Variants in TMED8 observed in about 807,000 individuals in gnomAD.
TMED8 encodes the protein transmembrane p24 trafficking protein family member 8.
In TMED8, 15 loss-of-function variants were observed where a neutral mutation model predicts 32.7. The ratio of observed to expected loss-of-function variants is 0.46; its 90% CI spans 0.31 to 0.71. The LOEUF (loss-of-function observed/expected upper bound fraction) is 0.71. Among genes scored for constraint, TMED8 ranks in the 30% least tolerant of loss-of-function variants. The pLI is 0.06. For missense variants in TMED8, 390 were observed against 423.9 expected (o/e 0.92, Z 0.70); for synonymous variants, 147 against 161.4 (o/e 0.91, Z 0.68).
intron 1 of TMED8, among the ~76,000 whole-genome samples, chr14:77,366,137 C>T (rs1031863516): frequency 2.3e-4 from 35 of 152,270 alleles, no homozygotes; most frequent in African/African-American, 8.2e-4. Flanking sequence ...CTAGGTATGT[C>T]CATTTCTAGT....
At chr14:77,355,845 T>C (rs1313649655) in intron 1 of TMED8, among the ~76,000 whole-genome samples, 2 of 152,254 alleles carry the variant, frequency 1.3e-5, no homozygotes, top group African/African-American at 4.8e-5. Context: ...GTCAGTCCGA[T>C]TCTCTTCCGT....
At chr14:77,342,492 G>T (rs561363465) in intron 5 of TMED8, among the ~76,000 whole-genome samples, 1 of 152,264 alleles carries the variant, frequency 6.6e-6, no homozygotes, top group East Asian at 1.9e-4. Flanking sequence ...ATACCTGTAG[G>T]TTTCCCTGCC....
At position 77,372,906 on chromosome 14, in the gene TMED8, T is replaced by TTTA. The variant is rs1227686477; in HGVS notation, c.118+4029_118+4030insTAA. ...ATGCACATTGAAATAGCCACAGATA[T>TTTA]TATATATATATATATATATATATAT... On this transcript the variant is annotated intron_variant, in intron 1 of 5. Transcript: ENST00000216468. Among the ~76,000 whole-genome samples the TTTA allele has an allele frequency of 7.4e-4, 26 of 35,342 alleles. 2 individuals carry two copies. The highest frequency in any genetic ancestry group is 3.3e-3 in the South Asian group (2 of 614). The allele number at this position is 35,342 out of a possible 152,430, so 23.2% of individuals were successfully genotyped here.
rs1892891361 is a variant in TMED8, at chr14:77,341,296, C to T, written c.*475G>A. The T allele has an allele frequency of 5.7e-6, 1 of 174,956 alleles. No homozygotes were observed. Among genetic ancestry groups the T allele is most frequent in the South Asian group, 1.3e-4 (1 of 7,786 alleles). The allele number at this position is 174,956 out of a possible 1,614,324, so 10.8% of individuals were successfully genotyped here. On this transcript the variant is annotated 3_prime_UTR_variant, in exon 6 of 6. Transcript: ENST00000216468. ...GGCAGTGGTGACAGGCTGGATAGAGCTTTCTCCAACCAAAAGATGGGGCTC... is the reference window on the plus strand; with the variant it reads ...GGCAGTGGTGACAGGCTGGATAGAGTTTTCTCCAACCAAAAGATGGGGCTC...
At chr14:77,346,926 C>CT (rs560129487) in intron 2 of TMED8, among the ~76,000 whole-genome samples, 6 of 152,100 alleles carry the variant, frequency 3.9e-5, no homozygotes, top group African/African-American at 1.4e-4. Flanking sequence ...TCACATACTC[C>CT]TTTTTGTGGT....
In TMED8 at chr14:77,343,230, A is replaced by C; in HGVS notation, c.708T>G (p.Ser236Arg). The C allele has an allele frequency of 1.9e-6, 3 of 1,614,114 alleles. No individual in the cohort carries two copies. In the East Asian group the frequency reaches 6.7e-5, roughly 36 times the overall value. Reference sequence around the variant, plus strand: ...CTTCATCCTCATCGTCACTGGAATCACTGACCTGCACAGTTATGTCAGTGC... The same window carrying C: ...CTTCATCCTCATCGTCACTGGAATCCCTGACCTGCACAGTTATGTCAGTGC... ...VTSTDITVQV[S>R]DSSDDEDEEE... Residue 236 changes from serine to arginine, a missense_variant, in exon 5 of 6, where the codon AGT (serine) becomes AGG (arginine). Coordinates refer to ENST00000216468, the MANE Select transcript of TMED8 (RefSeq NM_213601.3).
Position 77,343,111 on chromosome 14 carries a change from C to T in TMED8, c.760+67G>A, listed in dbSNP as rs1009655862. ...AAAGGAAGAGGAGGACTGGTACAACCCACAAAATGGTCACCAGAAATCAGA... is the reference window on the plus strand; with the variant it reads ...AAAGGAAGAGGAGGACTGGTACAACTCACAAAATGGTCACCAGAAATCAGA... On this transcript the variant is annotated intron_variant, in intron 5 of 5. Transcript: ENST00000216468. The T allele has an allele frequency of 1.5e-5, 23 of 1,519,084 alleles. 1 individual carries two copies. In the Middle Eastern group the frequency reaches 1.6e-3, roughly 104 times the overall value. 94.1% of individuals were successfully genotyped at this position (1,519,084 alleles called of 1,614,324 possible).
intron 1 of TMED8, chr14:77,359,524 C>T (rs1435168882): frequency 5.4e-6 from 2 of 368,278 alleles, no homozygotes; most frequent in South Asian, 2.1e-5. Flanking sequence ...GACCTGAAGA[C>T]ATTTACTGGG....
Position 77,377,090 on chromosome 14 carries a change from C to G in TMED8, c.-37G>C, listed in dbSNP as rs900445130. 2.1e-5 allele frequency: 27 copies of G among 1,282,218 alleles called. No homozygotes were observed. Among genetic ancestry groups the G allele is most frequent in the Non-Finnish European group, 2.7e-5 (27 of 993,162 alleles). The allele number at this position is 1,282,218 out of a possible 1,614,324, so 79.4% of individuals were successfully genotyped here. ...GCACGGAGCTCTCCGCTGCCAGCCG[C>G]GAGTGGCTCCGGAAACAGCCGAAGG... On this transcript the variant is annotated 5_prime_UTR_variant, in exon 1 of 6. Coordinates refer to ENST00000216468, the MANE Select transcript of TMED8 (RefSeq NM_213601.3).
At chr14:77,358,668 G>A (rs564151288) in intron 1 of TMED8, among the ~76,000 whole-genome samples, 3 of 152,146 alleles carry the variant, frequency 2.0e-5, no homozygotes, top group African/African-American at 7.2e-5. Flanking sequence ...GAAAATCCTG[G>A]ATCTTAATAA....
chr14:77,369,355 G>A (rs1028265929), intron 1 of TMED8, among the ~76,000 whole-genome samples: 1 of 152,230 alleles, frequency 6.6e-6, no homozygotes. Context: ...ATTTCTATAT[G>A]TATTTTAGAA....
chr14:77,345,968 CAAAAAAAAA>C (rs370981070), intron 3 of TMED8, among the ~76,000 whole-genome samples: 51 of 76,646 alleles, frequency 6.7e-4, no homozygotes, highest in Non-Finnish European at 1.8e-4. Context: ...GACCCTGTCT[CAAAAAAAAA>C]AAAAAAAAAA....
At chr14:77,344,688 A>C (rs1016260680) in intron 3 of TMED8, among the ~76,000 whole-genome samples, 1 of 152,212 alleles carries the variant, frequency 6.6e-6, no homozygotes, top group African/African-American at 2.4e-5. Context: ...CCTATTGCCC[A>C]CAGGGGAGAG....
chr14:77,371,656 A>G (rs1447326787), intron 1 of TMED8, among the ~76,000 whole-genome samples: 1 of 152,224 alleles, frequency 6.6e-6, no homozygotes, highest in Non-Finnish European at 1.5e-5. Flanking sequence ...CCAGAAGTAT[A>G]AAGTGTGGGA....
intron 1 of TMED8, among the ~76,000 whole-genome samples, chr14:77,362,615 A>C (rs905507525): frequency 1.3e-5 from 2 of 152,158 alleles, no homozygotes; most frequent in Admixed American, 6.5e-5. Context: ...TAGCAGAAGT[A>C]AGTCCTTCCC....
chr14:77,350,704 T>G (rs1197138906), intron 2 of TMED8, among the ~76,000 whole-genome samples: 1 of 152,172 alleles, frequency 6.6e-6, no homozygotes, highest in Non-Finnish European at 1.5e-5. Flanking sequence ...TCCTAGCTAC[T>G]CACAAGGCTG....
chr14:77,356,565 C>G (rs1452927300), intron 1 of TMED8, among the ~76,000 whole-genome samples: 1 of 152,212 alleles, frequency 6.6e-6, no homozygotes, highest in Non-Finnish European at 1.5e-5. Flanking sequence ...GCCCAGACAT[C>G]ATTGTATCTA....
chr14:77,362,782 T>G (rs7142643), intron 1 of TMED8, among the ~76,000 whole-genome samples: 2 of 152,034 alleles, frequency 1.3e-5, no homozygotes, highest in East Asian at 3.9e-4. Flanking sequence ...AGTGGAAGAA[T>G]TGAAAAAGAT....
intron 2 of TMED8, among the ~76,000 whole-genome samples, chr14:77,348,247 G>A (rs192505615): frequency 5.5e-5 from 8 of 146,074 alleles, no homozygotes; most frequent in Admixed American, 4.1e-4. Context: ...TTTTTGAGAC[G>A]GAGTCTCACT....
Sources: allele counts gnomAD v4.1 joint callset (sites outside exome capture counted in the v4.1 genomes callset), GRCh38; gene constraint gnomAD v4.1.1; transcripts MANE v1.5; gene names NCBI Gene and HGNC (gene_info 2026-07-23, HGNC 2026-07-21).